Variants in LMO7 observed in about 807,000 individuals in gnomAD.
LMO7 encodes the protein LIM domain 7.
LMO7 carries 120 observed loss-of-function variants against 206.5 expected under a neutral mutation model. The observed-to-expected ratio is 0.58, with a 90% CI of 0.50 to 0.68. The LOEUF (loss-of-function observed/expected upper bound fraction) is 0.68, where lower values mean the gene tolerates loss of function less well. Among genes scored for constraint, LMO7 ranks in the 30% least tolerant of loss-of-function variants. The probability of loss-of-function intolerance (pLI) is 0.00; values close to 1 mark genes in which losing one functional copy is unlikely to be tolerated. For missense variants in LMO7, 1,959 were observed against 1,957.9 expected (o/e 1.00, Z -0.01); for synonymous variants, 706 against 681.5 (o/e 1.04, Z -0.56).
chr13:75,637,002 G>A lies in LMO7; in HGVS notation c.69+276G>A, dbSNP rs564638413. ...AGGTGGGCGTTCGCCTGCCGGCATC[G>A]CGCGTCCCGGAGGAGCAGCGCAGTC... On this transcript the variant is annotated intron_variant, in intron 1 of 30. Coordinates refer to ENST00000377534, the MANE Select transcript of LMO7 (RefSeq NM_001306080.2). Among the ~76,000 whole-genome samples, 276 of 152,304 alleles carry A rather than the reference G, an allele frequency of 1.8e-3. 2 individuals carry two copies. The highest frequency in any genetic ancestry group is 6.3e-3 in the African/African-American group (263 of 41,576).
intron 4 of LMO7, among the ~76,000 whole-genome samples, chr13:75,768,636 G>A (rs2049219181): frequency 6.6e-6 from 1 of 152,026 alleles, no homozygotes; most frequent in African/African-American, 2.4e-5. Context: ...CATTGTTTGT[G>A]AGTTTATTTT....
chr13:75,621,489 CT>C lies in LMO7; in HGVS notation c.-200del, dbSNP rs780106267. The C allele has an allele frequency of 9.6e-5, 30 of 311,604 alleles. No individual in the cohort carries two copies. In the East Asian group the frequency reaches 1.2e-3, roughly 12 times the overall value. 19.3% of individuals were successfully genotyped at this position (311,604 alleles called of 1,614,324 possible). ...CTTGGGGGCAAAGAATGCTGTTTTT[CT>C]TTTTGATAACTATGTTTATAGAATC... On this transcript the variant is annotated 5_prime_UTR_variant, in exon 1 of 30. Coordinates refer to the LMO7 transcript ENST00000341547.
At chr13:75,682,848 G>A (rs911377483) in intron 1 of LMO7, among the ~76,000 whole-genome samples, 5 of 152,040 alleles carry the variant, frequency 3.3e-5, no homozygotes, top group Admixed American at 6.6e-5. Flanking sequence ...TAATCCACAA[G>A]GCTTATACTA....
chr13:75,650,298 T>A (rs1002229649), intron 1 of LMO7, among the ~76,000 whole-genome samples: 2 of 151,988 alleles, frequency 1.3e-5, no homozygotes, highest in Non-Finnish European at 2.9e-5. Flanking sequence ...CCTAGCTAAT[T>A]TTTGTATTTT....
chr13:75,713,652 T>TGA (rs903352802), intron 2 of LMO7, among the ~76,000 whole-genome samples: 1 of 152,190 alleles, frequency 6.6e-6, no homozygotes, highest in African/African-American at 2.4e-5. Flanking sequence ...CAATAAATCA[T>TGA]GATGATTGGA....
upstream of LMO7, among the ~76,000 whole-genome samples, chr13:75,635,087 C>T (rs369247024): frequency 1.1e-4 from 16 of 151,740 alleles, no homozygotes; most frequent in East Asian, 7.7e-4. Flanking sequence ...AAAATAAAAC[C>T]CTCCAGCAGA....
intron 20 of LMO7, 84 bp downstream of exon 20, chr13:75,838,280 A>G: frequency 2.0e-6 from 3 of 1,519,864 alleles, no homozygotes; most frequent in Non-Finnish European, 2.7e-6. Context: ...GGTGCTGGGC[A>G]CTGAGCCTCT....
chr13:75,748,541 A>G (rs1229599067), intron 3 of LMO7, among the ~76,000 whole-genome samples: 1 of 152,216 alleles, frequency 6.6e-6, no homozygotes, highest in East Asian at 1.9e-4. Flanking sequence ...AGTAAATATT[A>G]GCTTAGGAAA....
rs1419914650 is a variant in LMO7 at position 75,778,204 on chromosome 13, G to C, written c.317+17166G>C. Among the ~76,000 whole-genome samples the C allele has an allele frequency of 1.3e-5, 2 of 151,900 alleles. 1 individual carries two copies. Among genetic ancestry groups the C allele is most frequent in the East Asian group, 3.9e-4 (2 of 5,178 alleles). ...GCTACTTGAAACATTTTGTTCTGTG[G>C]ACTCAAGATCTGTGGTTTTTATTTA... On this transcript the variant is annotated intron_variant, in intron 4 of 30. Coordinates refer to ENST00000377534, the MANE Select transcript of LMO7 (RefSeq NM_001306080.2).
At chr13:75,819,346 T>C (rs1183596478) in intron 12 of LMO7, 47 bp from the exon 13 acceptor site, 3 of 1,538,836 alleles carry the variant, frequency 1.9e-6, no homozygotes, top group Non-Finnish European at 2.6e-6. Context: ...CTAGAAAGGG[T>C]GTATAGAAAT....
intron 1 of LMO7, among the ~76,000 whole-genome samples, chr13:75,684,966 T>G (rs2040855566): frequency 6.6e-6 from 1 of 152,308 alleles, no homozygotes; most frequent in South Asian, 2.1e-4. Flanking sequence ...GCGGCCCCTT[T>G]AAGGTTTGAT....
At chr13:75,842,487 C>T (rs984550429) in intron 24 of LMO7, among the ~76,000 whole-genome samples, 4 of 152,114 alleles carry the variant, frequency 2.6e-5, no homozygotes, top group African/African-American at 9.7e-5. Context: ...TCTCTGTATA[C>T]TCTTATTTTA....
chr13:75,710,365 ATTGAATCTATAAAT>A (rs2042997486), intron 1 of LMO7, among the ~76,000 whole-genome samples: 1 of 152,176 alleles, frequency 6.6e-6, no homozygotes, highest in Non-Finnish European at 1.5e-5. Flanking sequence ...TGGGGATGGC[ATTGAATCTATAAAT>A]TACCTTGGGC....
intron 19 of LMO7, 141 bp from the exon 20 acceptor site, chr13:75,837,999 C>A: frequency 1.7e-6 from 1 of 583,730 alleles, no homozygotes; most frequent in Non-Finnish European, 3.0e-6. Context: ...TTGAAATAAT[C>A]TATATCTTCT....
intron 1 of LMO7, chr13:75,688,564 A>T (rs888358294): frequency 6.6e-6 from 1 of 152,368 alleles, no homozygotes; most frequent in African/African-American, 2.4e-5. Context: ...TATATATCCC[A>T]TGTTGTTTTT....
At position 75,681,132 on chromosome 13, in the gene LMO7, G is replaced by A. The variant is rs559856313; in HGVS notation, c.70-32050G>A. Among the ~76,000 whole-genome samples, 5 of 152,170 alleles carry A rather than the reference G, an allele frequency of 3.3e-5. No individual in the cohort carries two copies. The East Asian group carries it at 5.8e-4, about 18-fold the overall frequency. ...AGGTTGTCTGTTCACTCTGATGATA[G>A]CTTCTTTTGCTGTGCAGAAGCGCTT... On this transcript the variant is annotated intron_variant, in intron 1 of 30. Transcript: ENST00000377534.
intron 1 of LMO7, among the ~76,000 whole-genome samples, chr13:75,712,351 G>T (rs1248407203): frequency 6.6e-6 from 1 of 152,176 alleles, no homozygotes; most frequent in Non-Finnish European, 1.5e-5. Flanking sequence ...CTCCCCTTGA[G>T]CTGGGACTCA....
At chr13:75,667,043 A>G (rs771037977) in intron 1 of LMO7, among the ~76,000 whole-genome samples, 3 of 152,194 alleles carry the variant, frequency 2.0e-5, no homozygotes, top group Non-Finnish European at 2.9e-5. Flanking sequence ...AGCCAGTGAT[A>G]TTATAAATGG....
At chr13:75,685,890 C>CTTTTTT (rs551370410) in intron 1 of LMO7, among the ~76,000 whole-genome samples, 53 of 105,950 alleles carry the variant, frequency 5.0e-4, no homozygotes, top group East Asian at 1.3e-3. Flanking sequence ...TTTTCTTTCT[C>CTTTTTT]TTTTTTTTTT....
Sources: allele counts gnomAD v4.1 joint callset (sites outside exome capture counted in the v4.1 genomes callset), GRCh38; gene constraint gnomAD v4.1.1; transcripts MANE v1.5; gene names NCBI Gene and HGNC (gene_info 2026-07-23, HGNC 2026-07-21).